The following KIF26B variants were observed in gnomAD, a reference collection of about 807,000 sequenced individuals.
KIF26B encodes the protein kinesin family member 26B.
Under a neutral mutation model 151.2 loss-of-function variants are expected in KIF26B, and 63 were observed. The observed-to-expected ratio is 0.42, with a 90% CI of 0.34 to 0.51. The LOEUF (loss-of-function observed/expected upper bound fraction) is 0.51, where lower values mean the gene tolerates loss of function less well. Among genes scored for constraint, KIF26B ranks in the 20% least tolerant of loss-of-function variants. The pLI is 0.07. For synonymous variants in KIF26B, 1,357 were observed against 1,262.1 expected, an observed-to-expected ratio of 1.08 and a Z score of -1.59; for missense variants, 2,813 against 2,913.6, an observed-to-expected ratio of 0.97 and a Z score of 0.79.
intron 9 of KIF26B, among the ~76,000 whole-genome samples, chr1:245,627,658 C>T (rs374473980): frequency 9.3e-5 from 14 of 151,002 alleles, no homozygotes; most frequent in East Asian, 5.8e-4. Flanking sequence ...GTTGGAGATG[C>T]GAAAAACCCT....
At chr1:245,208,618 G>A (rs935524899) in intron 2 of KIF26B, among the ~76,000 whole-genome samples, 1 of 152,202 alleles carries the variant, frequency 6.6e-6, no homozygotes, top group Non-Finnish European at 1.5e-5. Context: ...TGTCGATAGT[G>A]AGAAAACGAG....
rs1669703978 is a variant in KIF26B, at chr1:245,218,996, C to G, written c.465+62313C>G. On this transcript the variant is annotated intron_variant, in intron 2 of 14. Transcript: ENST00000407071. This position sits in a 1 kb window ranked among gnomAD's most constrained non-coding sequence, Gnocchi z 4.1. ...GTATGCCAGGAGGGAGCATCTGCCC[C>G]CATCTACTCTCTGGGAAGATGTCCT... 6.6e-6 allele frequency among the ~76,000 whole-genome samples: 1 copy of G among 152,042 alleles called. No individual in the cohort carries two copies. Among genetic ancestry groups the G allele is most frequent in the Non-Finnish European group, 1.5e-5 (1 of 68,014 alleles).
chr1:245,602,776 C>T lies in KIF26B; in HGVS notation c.1550C>T (p.Ala517Val), dbSNP rs1170626144. 1.9e-6 allele frequency: 3 copies of T among 1,613,248 alleles called. No individual in the cohort carries two copies. The highest frequency in any genetic ancestry group is 2.5e-6 in the Non-Finnish European group (3 of 1,179,862). ...FAFDAVFPQD[A>V]SQAEVCAGTV... is the part of the protein sequence containing the mutation. ...TTCGATGCAGTTTTTCCACAAGACG[C>T]TTCTCAGGTGGGTATCAGCCCCCTC... The change falls in exon 6 of 15, where the codon GCT becomes GTT. Residue 517 changes from alanine (A) to valine (V), a missense_variant. Ala to Val is a moderately conservative substitution (Grantham distance 64). Transcript: ENST00000407071. This position sits in a 1 kb window ranked among gnomAD's most constrained non-coding sequence, Gnocchi z 4.5.
chr1:245,210,646 GGTGA>G (rs1465098194), intron 2 of KIF26B, among the ~76,000 whole-genome samples: 2 of 152,018 alleles, frequency 1.3e-5, no homozygotes, highest in Non-Finnish European at 2.9e-5. Flanking sequence ...GAAGCTGGAG[GGTGA>G]GTGTTTCCAG....
intron 4 of KIF26B, among the ~76,000 whole-genome samples, chr1:245,515,761 A>G (rs2103086633): frequency 6.6e-6 from 1 of 152,274 alleles, no homozygotes; most frequent in South Asian, 2.1e-4. Context: ...TGAAACTGTG[A>G]GCAACAAAAC....
chr1:245,650,641 T>C (rs1338279600), intron 10 of KIF26B, among the ~76,000 whole-genome samples: 2 of 152,270 alleles, frequency 1.3e-5, no homozygotes, highest in Non-Finnish European at 2.9e-5. Flanking sequence ...TTTACCTTCA[T>C]TGATGACTGC....
intron 4 of KIF26B, among the ~76,000 whole-genome samples, chr1:245,490,093 A>G (rs1660371480): frequency 6.6e-6 from 1 of 152,164 alleles, no homozygotes; most frequent in Non-Finnish European, 1.5e-5. Context: ...TCCTCAGAGC[A>G]GTAAGTCAGT....
chr1:245,499,057 G>T (rs1660566990), intron 4 of KIF26B, among the ~76,000 whole-genome samples: 1 of 152,098 alleles, frequency 6.6e-6, no homozygotes, highest in Admixed American at 6.5e-5. Context: ...GGAACAACTT[G>T]GATTGCCTTT....
chr1:245,404,020 G>C (rs931362935), intron 3 of KIF26B, among the ~76,000 whole-genome samples: 3 of 152,050 alleles, frequency 2.0e-5, no homozygotes, highest in African/African-American at 7.2e-5. Context: ...AGAAGCTGAC[G>C]GTTTTGTACC....
intron 12 of KIF26B, among the ~76,000 whole-genome samples, chr1:245,689,012 A>G (rs1449522089): frequency 6.6e-6 from 1 of 151,720 alleles, no homozygotes; most frequent in Non-Finnish European, 1.5e-5. Context: ...CTCCTTTCCC[A>G]CGGCCCGGCA....
At chr1:245,521,210 A>G (rs59716787) in intron 4 of KIF26B, among the ~76,000 whole-genome samples, 2,282 of 152,106 alleles carry the variant, frequency 0.015, 61 homozygotes, top group African/African-American at 0.051. Flanking sequence ...GGTGGCGAGC[A>G]CCTGTAGTCC....
At chr1:245,635,158 T>C (rs780388174) in intron 9 of KIF26B, among the ~76,000 whole-genome samples, 3 of 150,936 alleles carry the variant, frequency 2.0e-5, no homozygotes, top group Non-Finnish European at 4.4e-5. Flanking sequence ...TAGTATAGTA[T>C]AGCTTGGGAA....
At chr1:245,520,794 C>G (rs907823907) in intron 4 of KIF26B, among the ~76,000 whole-genome samples, 1 of 152,278 alleles carries the variant, frequency 6.6e-6, no homozygotes, top group East Asian at 1.9e-4. Flanking sequence ...GACCACATGC[C>G]TTTCCCTATT....
At chr1:245,637,708 C>G (rs757761697) in intron 9 of KIF26B, among the ~76,000 whole-genome samples, 1 of 151,978 alleles carries the variant, frequency 6.6e-6, no homozygotes, top group Admixed American at 6.6e-5. Flanking sequence ...TAGTTTCATT[C>G]TTCTGCATAT....
At chr1:245,632,764 T>C (rs780393517) in intron 9 of KIF26B, among the ~76,000 whole-genome samples, 15 of 152,070 alleles carry the variant, frequency 9.9e-5, no homozygotes, top group Admixed American at 3.3e-4. Context: ...AAAAACTAGC[T>C]GGGTGTGGTG....
rs888657949 is a variant in KIF26B at position 245,367,077 on chromosome 1, G to A, written c.709G>A (p.Gly237Ser). 2 of 1,601,994 alleles carry A rather than the reference G, an allele frequency of 1.2e-6. No homozygotes were observed. The change falls in exon 3 of 15, where the codon GGT becomes AGT. Residue 237 changes from glycine to serine, a missense_variant. Physicochemically the swap from Gly to Ser is moderately conservative, Grantham distance 56. Around this residue, in one of 3 missense-constraint regions of KIF26B, gnomAD observed 676 missense variants for 688.1 expected, o/e 0.98. Transcript: ENST00000407071. This position sits in a 1 kb window ranked among gnomAD's most constrained non-coding sequence, Gnocchi z 4.2. ...IPTLVGSRHVGGLQQPRDWAF... is the reference protein window; with the variant it reads ...IPTLVGSRHVSGLQQPRDWAF... Reference sequence around the variant, plus strand: ...CACCCTGGTGGGGTCCCGGCACGTGGGTGGGCTCCAGCAGCCCAGAGACTG... The same window carrying A: ...CACCCTGGTGGGGTCCCGGCACGTGAGTGGGCTCCAGCAGCCCAGAGACTG...
At chr1:245,468,087 G>A (rs1171298563) in intron 4 of KIF26B, among the ~76,000 whole-genome samples, 1 of 152,078 alleles carries the variant, frequency 6.6e-6, no homozygotes, top group Non-Finnish European at 1.5e-5. Flanking sequence ...TGGGGATGGG[G>A]AACACTAACC....
intron 4 of KIF26B, among the ~76,000 whole-genome samples, chr1:245,421,093 G>C (rs1658475739): frequency 6.6e-6 from 1 of 152,224 alleles, no homozygotes; most frequent in African/African-American, 2.4e-5. Flanking sequence ...TGTTAGCCCT[G>C]TCTGGACATG....
chr1:245,471,709 T>C (rs1659919082), intron 4 of KIF26B, among the ~76,000 whole-genome samples: 1 of 152,166 alleles, frequency 6.6e-6, no homozygotes, highest in African/African-American at 2.4e-5. Context: ...AATCAATTCA[T>C]TCATTGAGCC....
Sources: gnomAD v4.1 joint callset for allele counts (sites outside exome capture counted in the v4.1 genomes callset) on GRCh38, gnomAD v4.1.1 for gene constraint, gnomAD v4.1.1 regional missense constraint, Gnocchi (gnomAD v3.1) non-coding constraint, MANE v1.5 for transcripts, NCBI Gene and HGNC (gene_info 2026-07-23, HGNC 2026-07-21) for gene names.